Variants in COBLL1 observed in about 807,000 individuals in gnomAD.
COBLL1 encodes cordon-bleu WH2 repeat protein like 1.
COBLL1 carries 50 observed loss-of-function variants against 94.8 expected under a neutral mutation model. That is an observed-to-expected ratio of 0.53 (90% CI 0.42 to 0.67). The LOEUF (loss-of-function observed/expected upper bound fraction) is 0.67, where lower values mean the gene tolerates loss of function less well. Ranked by LOEUF, COBLL1 falls within the 30% of genes least tolerant of loss-of-function variation. The probability of loss-of-function intolerance (pLI) is 0.00; values close to 1 mark genes in which losing one functional copy is unlikely to be tolerated. For synonymous variants in COBLL1, 448 were observed against 473.8 expected, an observed-to-expected ratio of 0.95 and a Z score of 0.71; for missense variants, 1,362 against 1,348.7, an observed-to-expected ratio of 1.01 and a Z score of -0.15.
intron 2 of COBLL1, among the ~76,000 whole-genome samples, chr2:164,787,121 T>C (rs1156621373): frequency 6.6e-6 from 1 of 152,168 alleles, no homozygotes; most frequent in Non-Finnish European, 1.5e-5. Context: ...ACTAAGGAAT[T>C]GGACATCTGG....
intron 2 of COBLL1, among the ~76,000 whole-genome samples, chr2:164,790,082 T>C (rs187171032): frequency 6.6e-6 from 1 of 152,354 alleles, no homozygotes; most frequent in African/African-American, 2.4e-5. Context: ...ATTATAATAT[T>C]AATGAGAATA....
intron 2 of COBLL1, among the ~76,000 whole-genome samples, chr2:164,816,258 C>T (rs925169914): frequency 1.7e-4 from 26 of 152,048 alleles, no homozygotes; most frequent in Non-Finnish European, 3.1e-4. Context: ...GAAGAAACAG[C>T]AGGCAAAGGC....
intron 7 of COBLL1, among the ~76,000 whole-genome samples, chr2:164,706,016 A>C (rs1684577209): frequency 6.6e-6 from 1 of 152,204 alleles, no homozygotes; most frequent in Admixed American, 6.5e-5. Context: ...CCTGGGCGAC[A>C]AGAGTGAAAC....
In COBLL1 at chr2:164,684,973, A is replaced by G. The variant is rs927042015; in HGVS notation, c.*973T>C. ...CGACAAATGGGCATTGTTTTGCTTAACAGTTTTAGCTTCAATGTAAATATA... is the reference window on the plus strand; with the variant it reads ...CGACAAATGGGCATTGTTTTGCTTAGCAGTTTTAGCTTCAATGTAAATATA... On this transcript the variant is annotated 3_prime_UTR_variant, in exon 14 of 14. Coordinates refer to ENST00000652658, the MANE Select transcript of COBLL1 (RefSeq NM_001365672.2). 5 of 152,166 alleles carry G rather than the reference A, an allele frequency of 3.3e-5. No homozygotes were observed. The highest frequency in any genetic ancestry group is 7.4e-5 in the Non-Finnish European group (5 of 68,010). The allele number at this position is 152,166 out of a possible 1,614,324, so 9.4% of individuals were successfully genotyped here. A position where few individuals can be genotyped will look rare whatever the true frequency, so the allele number is the denominator to read the frequency against.
At chr2:164,837,793 A>G (rs1182907211) in intron 2 of COBLL1, among the ~76,000 whole-genome samples, 1 of 152,184 alleles carries the variant, frequency 6.6e-6, no homozygotes, top group South Asian at 2.1e-4. Flanking sequence ...ATGTCTTTTG[A>G]TATCTAAACT....
chr2:164,826,661 C>T (rs2105372583), intron 2 of COBLL1, among the ~76,000 whole-genome samples: 1 of 152,348 alleles, frequency 6.6e-6, no homozygotes, highest in Non-Finnish European at 1.5e-5. Context: ...CAAGCTCACT[C>T]TACAGTAGCT....
chr2:164,790,239 C>G (rs1422789735), intron 2 of COBLL1, among the ~76,000 whole-genome samples: 1 of 152,098 alleles, frequency 6.6e-6, no homozygotes, highest in African/African-American at 2.4e-5. Context: ...CTACATTGTC[C>G]CAGTGTACGT....
At chr2:164,753,340 G>T (rs1333875502) in intron 2 of COBLL1, among the ~76,000 whole-genome samples, 1 of 151,948 alleles carries the variant, frequency 6.6e-6, no homozygotes, top group Non-Finnish European at 1.5e-5. Flanking sequence ...ATCACTTCAG[G>T]CTTTCTGCCC....
At chr2:164,772,911 T>C (rs1688274624) in intron 2 of COBLL1, among the ~76,000 whole-genome samples, 1 of 152,124 alleles carries the variant, frequency 6.6e-6, no homozygotes, top group South Asian at 2.1e-4. Flanking sequence ...AGCAAAATTA[T>C]ATGTAATCGT....
chr2:164,761,065 T>G (rs983572393), intron 2 of COBLL1, among the ~76,000 whole-genome samples: 10 of 152,254 alleles, frequency 6.6e-5, no homozygotes, highest in African/African-American at 2.2e-4. Context: ...GTCAAGAAGC[T>G]GTCACAGATA....
chr2:164,664,410 A>G (rs1691120239), intron 2 of COBLL1, among the ~76,000 whole-genome samples: 1 of 152,252 alleles, frequency 6.6e-6, no homozygotes, highest in Admixed American at 6.5e-5. Flanking sequence ...AGACTTCATG[A>G]CAAAATGAAA....
intron 7 of COBLL1, among the ~76,000 whole-genome samples, chr2:164,705,720 A>C (rs534649985): frequency 1.3e-4 from 20 of 152,278 alleles, no homozygotes; most frequent in Admixed American, 1.3e-3. Flanking sequence ...TGAATGAACG[A>C]ATAAATAACT....
At chr2:164,800,640 T>C (rs1683724147) in intron 2 of COBLL1, 1 of 685,686 alleles carries the variant, frequency 1.5e-6, no homozygotes, top group East Asian at 2.7e-5. Flanking sequence ...GAACCCAAAC[T>C]GGAAACAATC....
At chr2:164,778,513 G>A (rs962617534) in intron 2 of COBLL1, among the ~76,000 whole-genome samples, 1 of 152,166 alleles carries the variant, frequency 6.6e-6, no homozygotes. Flanking sequence ...TGAGGCATGA[G>A]AAGTGCTTGA....
chr2:164,791,875 T>C (rs866415495), intron 2 of COBLL1, among the ~76,000 whole-genome samples: 116 of 142,034 alleles, frequency 8.2e-4, no homozygotes, highest in African/African-American at 2.6e-3. Context: ...TTTTTGTTGC[T>C]TTTTTTTTTT....
chr2:164,695,342 C>T lies in COBLL1; in HGVS notation c.2050G>A (p.Asp684Asn). 1.2e-6 allele frequency: 2 copies of T among 1,613,928 alleles called. No homozygotes were observed. The highest frequency in any genetic ancestry group is 1.1e-5 in the South Asian group (1 of 91,080). Residue 684 changes from aspartate to asparagine, a missense_variant, in exon 12 of 14, where the codon GAT (aspartate) becomes AAT (asparagine). Physicochemically the swap from Asp to Asn is conservative, Grantham distance 23 (BLOSUM62 1). Coordinates refer to ENST00000652658, the MANE Select transcript of COBLL1 (RefSeq NM_001365672.2). ...ATCCTATCTACAGGAGGCAAAAGAT[C>T]ATCATTACCATGTGCACAAATTGGA... ...KDPICAHGND[D>N]LLPPVDRIDK...
At chr2:164,689,986 A>T (rs1368159282) in intron 13 of COBLL1, among the ~76,000 whole-genome samples, 1 of 152,072 alleles carries the variant, frequency 6.6e-6, no homozygotes, top group Non-Finnish European at 1.5e-5. Flanking sequence ...ATATCTGTGT[A>T]TTTTTGTGCA....
chr2:164,684,106 T>C lies in COBLL1; in HGVS notation c.*1840A>G, dbSNP rs1490364726. 1 of 152,172 alleles carries C rather than the reference T, an allele frequency of 6.6e-6. No individual in the cohort carries two copies. The highest frequency in any genetic ancestry group is 1.5e-5 in the Non-Finnish European group (1 of 68,004). The allele number at this position is 152,172 out of a possible 1,614,324, so 9.4% of individuals were successfully genotyped here. On this transcript the variant is annotated 3_prime_UTR_variant, in exon 14 of 14. Coordinates refer to ENST00000652658, the MANE Select transcript of COBLL1 (RefSeq NM_001365672.2). ...ATTTTGAAACTTCCGTTTTTGCTAA[T>C]TTGATGTGGTACCTTTCCATGTTTT...
intron 2 of COBLL1, among the ~76,000 whole-genome samples, chr2:164,812,127 T>C (rs1202575261): frequency 6.6e-6 from 1 of 152,000 alleles, no homozygotes; most frequent in Non-Finnish European, 1.5e-5. Flanking sequence ...ACTTATGCTA[T>C]TTTCATCAAC....
Sources: allele counts gnomAD v4.1 joint callset (sites outside exome capture counted in the v4.1 genomes callset), GRCh38; gene constraint gnomAD v4.1.1; transcripts MANE v1.5; gene names NCBI Gene and HGNC (gene_info 2026-07-23, HGNC 2026-07-21).